The following TNIK variants were observed in gnomAD, a reference collection of about 807,000 sequenced individuals.
TNIK encodes TRAF2 and NCK-interacting protein kinase.
TNIK carries 49 observed loss-of-function variants against 191.3 expected under a neutral mutation model. The ratio of observed to expected loss-of-function variants is 0.26; its 90% CI spans 0.20 to 0.32. TNIK has a LOEUF of 0.32. Ranked by LOEUF, TNIK falls within the 10% of genes least tolerant of loss-of-function variation. The pLI is 1.00. For missense variants in TNIK, 1,155 were observed against 1,702.3 expected, an observed-to-expected ratio of 0.68 and a Z score of 5.66; for synonymous variants, 594 against 600.9, an observed-to-expected ratio of 0.99 and a Z score of 0.17.
chr3:171,086,143 T>A (rs923363350), intron 24 of TNIK, among the ~76,000 whole-genome samples: 5 of 152,224 alleles, frequency 3.3e-5, no homozygotes, highest in Non-Finnish European at 5.9e-5. Flanking sequence ...CTAAAGGTTA[T>A]TTCACTTTAG....
intron 2 of TNIK, among the ~76,000 whole-genome samples, chr3:171,296,969 AATTT>A (rs576602213): frequency 8.6e-4 from 131 of 152,304 alleles, no homozygotes; most frequent in African/African-American, 2.8e-3. Context: ...GGAAGAACTT[AATTT>A]TTTTTCCTTC....
At chr3:171,439,884 A>C (rs1726550570) in intron 1 of TNIK, among the ~76,000 whole-genome samples, 1 of 152,136 alleles carries the variant, frequency 6.6e-6, no homozygotes, top group Non-Finnish European at 1.5e-5. Flanking sequence ...CAGCCCTCAG[A>C]AGCTCAGCAT....
At chr3:171,367,780 G>A (rs575173284) in intron 2 of TNIK, among the ~76,000 whole-genome samples, 1 of 152,216 alleles carries the variant, frequency 6.6e-6, no homozygotes, top group African/African-American at 2.4e-5. Context: ...AGGCCCCAAA[G>A]CATCTCTAAC....
chr3:171,090,288 CCTTCA>C (rs1375467199), intron 23 of TNIK, among the ~76,000 whole-genome samples: 1 of 152,148 alleles, frequency 6.6e-6, no homozygotes, highest in Non-Finnish European at 1.5e-5. Context: ...CTGTTCCAGT[CCTTCA>C]AAGAGGCTCA....
chr3:171,199,712 A>G (rs1739176556), intron 4 of TNIK, among the ~76,000 whole-genome samples: 1 of 152,168 alleles, frequency 6.6e-6, no homozygotes, highest in East Asian at 1.9e-4. Flanking sequence ...GGGCTTAGCA[A>G]TGTCTCTCTC....
chr3:171,080,063 A>G (rs1720469204), intron 27 of TNIK, among the ~76,000 whole-genome samples: 1 of 152,200 alleles, frequency 6.6e-6, no homozygotes, highest in South Asian at 2.1e-4. Flanking sequence ...CCTTTCCTTC[A>G]CCGTATAACC....
At chr3:171,249,326 G>A (rs1456536779) in intron 2 of TNIK, among the ~76,000 whole-genome samples, 1 of 152,154 alleles carries the variant, frequency 6.6e-6, no homozygotes, top group Non-Finnish European at 1.5e-5. Context: ...TTCAACCCAG[G>A]TACCTTTAGG....
intron 1 of TNIK, among the ~76,000 whole-genome samples, chr3:171,430,574 G>C (rs1725240736): frequency 6.7e-6 from 1 of 149,980 alleles, no homozygotes; most frequent in African/African-American, 2.4e-5. Context: ...AGGAATTTGA[G>C]GTTGCAGTGA....
In TNIK at chr3:171,213,606, G is replaced by C. The variant is rs562484128; in HGVS notation, c.181-2365C>G. Among the ~76,000 whole-genome samples the C allele has an allele frequency of 5.1e-4, 77 of 152,134 alleles. 1 individual carries two copies. Among genetic ancestry groups the C allele is most frequent in the Non-Finnish European group, 8.8e-4 (60 of 68,014 alleles). On this transcript the variant is annotated intron_variant, in intron 3 of 32. Transcript: ENST00000436636. ...ATAAAACAGTTAAATAACAACAGAA[G>C]GCACTATGTAATTAAATCCAAAATA...
rs3082367 is a variant in TNIK, at chr3:171,347,221, G to GAAAAAA, written c.123+22393_123+22398dup. On this transcript the variant is annotated intron_variant, in intron 2 of 32. Coordinates refer to ENST00000436636, the MANE Select transcript of TNIK (RefSeq NM_015028.4). ...CCCTTCACTCACTGGTTCATTTGCT[G>GAAAAAA]AAAAAAAAAAAAAAAGAAAAGAAAA... The GAAAAAA allele has an allele frequency of 1.4e-5, 20 of 1,418,496 alleles. No individual in the cohort carries two copies. The South Asian group carries it at 1.6e-4, about 11-fold the overall frequency. The allele number at this position is 1,418,496 out of a possible 1,614,324, so 87.9% of individuals were successfully genotyped here.
intron 16 of TNIK, among the ~76,000 whole-genome samples, chr3:171,126,791 A>G (rs1728542145): frequency 1.3e-5 from 2 of 152,206 alleles, no homozygotes; most frequent in African/African-American, 4.8e-5. Flanking sequence ...ATGCTGTCGT[A>G]TTATCTCTTG....
intron 1 of TNIK, among the ~76,000 whole-genome samples, chr3:171,387,927 C>T (rs1012109465): frequency 7.0e-6 from 1 of 142,032 alleles, no homozygotes; most frequent in Non-Finnish European, 1.5e-5. Flanking sequence ...TGGACTCCAA[C>T]AGAACTGAAA....
At chr3:171,423,666 A>G (rs999394913) in intron 1 of TNIK, among the ~76,000 whole-genome samples, 2 of 152,238 alleles carry the variant, frequency 1.3e-5, no homozygotes, top group African/African-American at 4.8e-5. Context: ...CAGAGCCCTC[A>G]GAAATAATGC....
chr3:171,139,407 C>CACACACAA, intron 14 of TNIK, 63 bp downstream of exon 14: 1 of 1,461,188 alleles, frequency 6.8e-7, no homozygotes, highest in Non-Finnish European at 9.6e-7. Flanking sequence ...CACACACACA[C>CACACACAA]ACACACAAAC....
chr3:171,410,985 A>C (rs1722331725), intron 1 of TNIK, among the ~76,000 whole-genome samples: 1 of 152,034 alleles, frequency 6.6e-6, no homozygotes, highest in African/African-American at 2.4e-5. Context: ...CTGCATCACA[A>C]ACAGGGCTAA....
At chr3:171,091,461 G>A (rs1224869488) in intron 23 of TNIK, among the ~76,000 whole-genome samples, 1 of 151,964 alleles carries the variant, frequency 6.6e-6, no homozygotes, top group African/African-American at 2.4e-5. Context: ...GCAGTCTCTC[G>A]GCCGGGCGTG....
At chr3:171,107,068 C>G (rs1480737037) in intron 21 of TNIK, 115 bp downstream of exon 21, 5 of 1,129,238 alleles carry the variant, frequency 4.4e-6, no homozygotes, top group Non-Finnish European at 5.1e-6. Flanking sequence ...CAGATTGCTA[C>G]AAATCTCCTC....
At chr3:171,085,705 C>G (rs766609714) in intron 24 of TNIK, among the ~76,000 whole-genome samples, 1 of 152,186 alleles carries the variant, frequency 6.6e-6, no homozygotes, top group Admixed American at 6.5e-5. Flanking sequence ...CCCTTCTACT[C>G]TGGCCTGGTG....
intron 2 of TNIK, among the ~76,000 whole-genome samples, chr3:171,245,442 A>T (rs1745483980): frequency 6.6e-6 from 1 of 152,226 alleles, no homozygotes; most frequent in Non-Finnish European, 1.5e-5. Flanking sequence ...TCATACTAAA[A>T]ATAAAAGAAA....
Sources: gnomAD v4.1 joint callset for allele counts (sites outside exome capture counted in the v4.1 genomes callset) on GRCh38, gnomAD v4.1.1 for gene constraint, MANE v1.5 for transcripts, NCBI Gene and HGNC (gene_info 2026-07-23, HGNC 2026-07-21) for gene names.